Variants in SNX25 observed in about 807,000 individuals in gnomAD.
SNX25 encodes the protein sorting nexin 25.
A neutral mutation model predicts 113.7 loss-of-function variants in SNX25; 62 were observed. The observed-to-expected ratio is 0.55, with a 90% CI of 0.44 to 0.67. The LOEUF (loss-of-function observed/expected upper bound fraction) is 0.67. Ranked by LOEUF, SNX25 falls within the 30% of genes least tolerant of loss-of-function variation. The pLI, the probability that SNX25 is intolerant of heterozygous loss-of-function variation, is 0.00. For missense variants in SNX25, 1,014 were observed against 1,161.0 expected (o/e 0.87, Z 1.84); for synonymous variants, 421 against 436.2 (o/e 0.97, Z 0.43).
At chr4:185,215,654 T>C (rs1290097068) in intron 1 of SNX25, among the ~76,000 whole-genome samples, 1 of 152,224 alleles carries the variant, frequency 6.6e-6, no homozygotes, top group Admixed American at 6.5e-5. Flanking sequence ...ATATATTTAC[T>C]GTCTTTAGAA....
intron 10 of SNX25, among the ~76,000 whole-genome samples, chr4:185,338,089 G>T (rs539127256): frequency 4.6e-5 from 7 of 152,244 alleles, no homozygotes; most frequent in Admixed American, 1.3e-4. Flanking sequence ...GAGGTGATTT[G>T]CAGATTTTTT....
intron 2 of SNX25, among the ~76,000 whole-genome samples, chr4:185,249,021 A>G (rs982998315): frequency 1.3e-5 from 2 of 152,208 alleles, no homozygotes; most frequent in African/African-American, 4.8e-5. Flanking sequence ...GTATTCCATT[A>G]CAGTGATACA....
Position 185,210,218 on chromosome 4 carries a change from G to C in SNX25, c.392G>C (p.Arg131Pro), listed in dbSNP as rs1737516512. 3.0e-6 allele frequency: 3 copies of C among 984,626 alleles called. No homozygotes were observed. The highest frequency in any genetic ancestry group is 3.6e-6 in the Non-Finnish European group (3 of 830,014). 61.0% of individuals were successfully genotyped at this position (984,626 alleles called of 1,614,324 possible). A position where few individuals can be genotyped will look rare whatever the true frequency, so the allele number is the denominator to read the frequency against. Residue 131 changes from arginine to proline, a missense_variant, in exon 1 of 19, where the codon CGG (arginine) becomes CCG (proline). Coordinates refer to ENST00000652585, the MANE Select transcript of SNX25 (RefSeq NM_001378034.2). This position sits in a 1 kb window ranked among gnomAD's most constrained non-coding sequence, Gnocchi z 4.4. Reference sequence around the variant, plus strand: ...CCCGACTTCGCCGCCGCCTGGAGCCGGCTGGCCGCGACCTCAGCCGCCCGC... The same window carrying C: ...CCCGACTTCGCCGCCGCCTGGAGCCCGCTGGCCGCGACCTCAGCCGCCCGC... Reference protein sequence around the residue: ...QPPDFAAAWSRLAATSAARRP... With the variant: ...QPPDFAAAWSPLAATSAARRP...
intron 5 of SNX25, among the ~76,000 whole-genome samples, chr4:185,280,176 A>G (rs1362751335): frequency 6.6e-6 from 1 of 152,190 alleles, no homozygotes; most frequent in African/African-American, 2.4e-5. Context: ...TTGGCCTCCC[A>G]AAGTATTGGA....
chr4:185,268,041 G>A (rs1748384531), intron 5 of SNX25, among the ~76,000 whole-genome samples: 1 of 152,220 alleles, frequency 6.6e-6, no homozygotes, highest in Non-Finnish European at 1.5e-5. Context: ...TCAGGTGGCA[G>A]AGGCAGAACA....
intron 2 of SNX25, among the ~76,000 whole-genome samples, chr4:185,249,071 T>C (rs1745266870): frequency 6.6e-6 from 1 of 152,228 alleles, no homozygotes. Context: ...GTGGGACATC[T>C]GGGTTATTTC....
At chr4:185,340,917 T>A (rs1295768425) in intron 11 of SNX25, among the ~76,000 whole-genome samples, 1 of 152,184 alleles carries the variant, frequency 6.6e-6, no homozygotes, top group Non-Finnish European at 1.5e-5. Context: ...TTCATCAAGC[T>A]GGACGTGCCT....
intron 1 of SNX25, among the ~76,000 whole-genome samples, chr4:185,233,741 A>C (rs1472193812): frequency 3.3e-5 from 5 of 152,202 alleles, no homozygotes; most frequent in African/African-American, 1.2e-4. Flanking sequence ...TCTTGTAATC[A>C]AATGGAGTGT....
intron 1 of SNX25, among the ~76,000 whole-genome samples, chr4:185,212,304 AT>A (rs57590957): frequency 6.1e-5 from 9 of 146,412 alleles, no homozygotes; most frequent in Non-Finnish European, 7.5e-5. Flanking sequence ...AAAAAAAAAA[AT>A]TTTTTTTTAA....
chr4:185,240,653 A>T (rs1489818018), intron 1 of SNX25, among the ~76,000 whole-genome samples: 1 of 139,160 alleles, frequency 7.2e-6, no homozygotes, highest in Non-Finnish European at 1.5e-5. Context: ...CGGGGGGCTA[A>T]CCCCCCCACC....
downstream of SNX25, chr4:185,366,257 A>G (rs912239903): frequency 2.6e-5 from 4 of 152,228 alleles, no homozygotes; most frequent in East Asian, 7.7e-4. Context: ...TAATTTTAAC[A>G]ATATTTAATT....
chr4:185,230,481 C>T (rs529245691), intron 1 of SNX25, among the ~76,000 whole-genome samples: 1 of 152,046 alleles, frequency 6.6e-6, no homozygotes, highest in African/African-American at 2.4e-5. Flanking sequence ...CAACATCCGC[C>T]TCCCAGGTTC....
At chr4:185,273,454 A>G (rs189023896) in intron 5 of SNX25, among the ~76,000 whole-genome samples, 12 of 152,258 alleles carry the variant, frequency 7.9e-5, no homozygotes, top group Non-Finnish European at 1.2e-4. Flanking sequence ...TATTTGATGT[A>G]TGTACACATT....
At chr4:185,212,491 GTTTTTTTT>G (rs61204525) in intron 1 of SNX25, among the ~76,000 whole-genome samples, 1 of 104,944 alleles carries the variant, frequency 9.5e-6, no homozygotes, top group Non-Finnish European at 1.9e-5. Context: ...GTGTGTGTGT[GTTTTTTTT>G]TTTTTTTGCT....
At chr4:185,346,512 A>C in intron 12 of SNX25, 25 bp from the exon 13 acceptor site, 2 of 1,389,010 alleles carry the variant, frequency 1.4e-6, no homozygotes, top group Non-Finnish European at 2.0e-6. Flanking sequence ...TCAAAATACT[A>C]ACATTTCATT....
At chr4:185,287,956 T>C in intron 5 of SNX25, 56 bp from the exon 6 acceptor site, 1 of 1,404,906 alleles carries the variant, frequency 7.1e-7, no homozygotes, top group Non-Finnish European at 1.0e-6. Context: ...AAGTTATTTC[T>C]GAAAATAGTA....
At chr4:185,267,298 T>G in intron 5 of SNX25, 143 bp downstream of exon 5, 1 of 762,596 alleles carries the variant, frequency 1.3e-6, no homozygotes, top group South Asian at 1.8e-5. Context: ...ACAGCTAAAT[T>G]TATCCAGCGT....
Position 185,323,440 on chromosome 4 carries a change from C to T in SNX25, c.1477-88C>T, listed in dbSNP as rs779510256. 1.9e-5 allele frequency: 26 copies of T among 1,335,220 alleles called. No individual in the cohort carries two copies. The South Asian group carries it at 3.4e-4, about 18-fold the overall frequency. 82.7% of individuals were successfully genotyped at this position (1,335,220 alleles called of 1,614,324 possible). A position where few individuals can be genotyped will look rare whatever the true frequency, so the allele number is the denominator to read the frequency against. On this transcript the variant is annotated intron_variant, in intron 8 of 18. Transcript: ENST00000652585. ...AGGGTGCATCTTAAATGTCTTTCTT[C>T]TGACTTTCAAATGCAAATAATTCAG...
chr4:185,281,666 T>C (rs1750578994), intron 5 of SNX25, among the ~76,000 whole-genome samples: 1 of 151,670 alleles, frequency 6.6e-6, no homozygotes, highest in South Asian at 2.1e-4. Flanking sequence ...ATTCTATAAC[T>C]GAAGTCCCTC....
Sources: gnomAD v4.1 joint callset for allele counts (sites outside exome capture counted in the v4.1 genomes callset) on GRCh38, gnomAD v4.1.1 for gene constraint, Gnocchi (gnomAD v3.1) non-coding constraint, MANE v1.5 for transcripts, NCBI Gene and HGNC (gene_info 2026-07-23, HGNC 2026-07-21) for gene names.